The following SLCO1B1 variants were observed in gnomAD, a reference collection of about 807,000 sequenced individuals.
SLCO1B1 encodes the protein OATP-2.
Under a neutral mutation model 70.1 loss-of-function variants are expected in SLCO1B1, and 81 were observed. The ratio of observed to expected loss-of-function variants is 1.16; its 90% CI spans 0.97 to 1.39. SLCO1B1 has a LOEUF of 1.39. Ranked by LOEUF, SLCO1B1 falls within the 40% of genes most tolerant of loss-of-function variation. The pLI, the probability that SLCO1B1 is intolerant of heterozygous loss-of-function variation, is 0.00. For missense variants in SLCO1B1, 895 were observed against 799.6 expected (o/e 1.12, Z -1.44); for synonymous variants, 283 against 271.5 (o/e 1.04, Z -0.42).
chr12:21,203,592 A>C (rs569706112), intron 10 of SLCO1B1, among the ~76,000 whole-genome samples: 3 of 152,042 alleles, frequency 2.0e-5, no homozygotes, highest in Non-Finnish European at 4.4e-5. Flanking sequence ...ATTTTCTTCT[A>C]TAAACATTGT....
intron 7 of SLCO1B1, among the ~76,000 whole-genome samples, chr12:21,190,745 C>T (rs914202904): frequency 1.1e-4 from 16 of 152,122 alleles, no homozygotes; most frequent in Non-Finnish European, 2.1e-4. Context: ...GGCTTAGCTC[C>T]CAATGATAAG....
chr12:21,227,302 C>A (rs4149082), intron 14 of SLCO1B1, among the ~76,000 whole-genome samples: 5 of 151,644 alleles, frequency 3.3e-5, no homozygotes, highest in Non-Finnish European at 5.9e-5. Flanking sequence ...TAATATGGAA[C>A]CTTCTTCAAG....
rs7971855 is a variant in SLCO1B1, at chr12:21,150,406, C to T, written c.84+8748C>T. ...CCCGTGCCTCCTGACTGGGAGACAC[C>T]TCACAGCAGGGTTCAACAGACACCT... is the stretch of plus-strand genomic sequence containing the variant. On this transcript the variant is annotated intron_variant, in intron 2 of 14. Transcript: ENST00000256958. 7.6e-3 allele frequency among the ~76,000 whole-genome samples: 1,162 copies of T among 152,252 alleles called. 11 individuals are homozygous for T. The highest frequency in any genetic ancestry group is 0.026 in the African/African-American group (1,080 of 41,536).
At chr12:21,193,952 G>A (rs540648086) in intron 7 of SLCO1B1, among the ~76,000 whole-genome samples, 4 of 152,148 alleles carry the variant, frequency 2.6e-5, no homozygotes, top group African/African-American at 7.2e-5. Context: ...CACGATGCCT[G>A]GCTAATTTTT....
At chr12:21,230,217 C>G (rs756037645) in intron 14 of SLCO1B1, among the ~76,000 whole-genome samples, 1 of 151,960 alleles carries the variant, frequency 6.6e-6, no homozygotes, top group Non-Finnish European at 1.5e-5. Context: ...GAGGGAAATC[C>G]CACTTAGTCA....
chr12:21,163,471 G>A (rs947054501), intron 2 of SLCO1B1, among the ~76,000 whole-genome samples: 1 of 152,064 alleles, frequency 6.6e-6, no homozygotes, highest in South Asian at 2.1e-4. Flanking sequence ...GTTTTACAAA[G>A]TAATTAACTT....
chr12:21,215,093 G>T (rs1287254182), intron 11 of SLCO1B1, among the ~76,000 whole-genome samples: 1 of 151,720 alleles, frequency 6.6e-6, no homozygotes, highest in African/African-American at 2.4e-5. Flanking sequence ...CCTCCAACCA[G>T]GGTTTTTGAG....
At chr12:21,167,666 GAAC>G (rs1368658200) in intron 2 of SLCO1B1, among the ~76,000 whole-genome samples, 1 of 152,016 alleles carries the variant, frequency 6.6e-6, no homozygotes, top group Non-Finnish European at 1.5e-5. Flanking sequence ...TCACATTGAT[GAAC>G]AACAGATCTC....
At chr12:21,238,767 G>T (rs1459115278) in intron 14 of SLCO1B1, among the ~76,000 whole-genome samples, 1 of 151,884 alleles carries the variant, frequency 6.6e-6, no homozygotes, top group African/African-American at 2.4e-5. Flanking sequence ...GAAGGCCAGA[G>T]GCAACTAGAG....
Position 21,141,533 on chromosome 12 carries a change from C to A in SLCO1B1, c.-42C>A. Reference sequence around the variant, plus strand: ...TAATAGGTGATTGTTTCAAACTGAGCATCAACAACAAAAACATTTGTATGA... The same window carrying A: ...TAATAGGTGATTGTTTCAAACTGAGAATCAACAACAAAAACATTTGTATGA... On this transcript the variant is annotated 5_prime_UTR_variant, in exon 2 of 15. Transcript: ENST00000256958. 8.5e-7 allele frequency: 1 copy of A among 1,178,674 alleles called. No homozygotes were observed. The highest frequency in any genetic ancestry group is 1.3e-6 in the Non-Finnish European group (1 of 786,770). 73.0% of individuals were successfully genotyped at this position (1,178,674 alleles called of 1,614,324 possible). A position where few individuals can be genotyped will look rare whatever the true frequency, so the allele number is the denominator to read the frequency against.
chr12:21,189,210 C>T (rs568758392), intron 7 of SLCO1B1, among the ~76,000 whole-genome samples: 21 of 152,244 alleles, frequency 1.4e-4, no homozygotes, highest in African/African-American at 5.1e-4. Context: ...ACTGGCTGTA[C>T]CTTTTTGTAT....
At chr12:21,177,845 T>A (rs1159664134) in intron 5 of SLCO1B1, among the ~76,000 whole-genome samples, 1 of 152,156 alleles carries the variant, frequency 6.6e-6, no homozygotes, top group Non-Finnish European at 1.5e-5. Flanking sequence ...CATTAAAGTT[T>A]TGATATTAAA....
intron 5 of SLCO1B1, among the ~76,000 whole-genome samples, chr12:21,178,098 T>G (rs369889408): frequency 6.6e-6 from 1 of 152,150 alleles, no homozygotes; most frequent in Non-Finnish European, 1.5e-5. Flanking sequence ...CCCACTCAAA[T>G]ATCACCTTGA....
Position 21,239,127 on chromosome 12 carries a change from T to A in SLCO1B1, c.2014T>A (p.Ser672Thr). 1.2e-6 allele frequency: 2 copies of A among 1,613,082 alleles called. No individual in the cohort carries two copies. Among genetic ancestry groups the A allele is most frequent in the Non-Finnish European group, 1.7e-6 (2 of 1,179,360 alleles). ...TGTCATGGATGAAGCAAACTTAGAATCCTTAAATAAAAATAAACATTTTGT... is the reference window on the plus strand; with the variant it reads ...TGTCATGGATGAAGCAAACTTAGAAACCTTAAATAAAAATAAACATTTTGT... The part of the protein sequence containing the change: ...GSVMDEANLE[S>T]LNKNKHFVPS... The change falls in exon 15 of 15, where the codon TCC (serine) becomes ACC (threonine). Residue 672 changes from serine to threonine, a missense_variant. Transcript: ENST00000256958.
chr12:21,146,903 T>C (rs1428313455), intron 2 of SLCO1B1, among the ~76,000 whole-genome samples: 2 of 152,284 alleles, frequency 1.3e-5, no homozygotes, highest in East Asian at 3.9e-4. Context: ...CTGTTGTTGT[T>C]GGATGAAATA....
intron 13 of SLCO1B1, 45 bp downstream of exon 13, chr12:21,222,409 TATATATATATATATATATAC>T: frequency 6.7e-6 from 1 of 148,884 alleles, no homozygotes; most frequent in Middle Eastern, 2.7e-3. Flanking sequence ...TATATATATA[TATATATATATATATATATAC>T]ACACACACAT....
rs4149054 is a variant in SLCO1B1, at chr12:21,178,245, G to A, written c.482-331G>A. Among the ~76,000 whole-genome samples the A allele has an allele frequency of 0.32, 48,366 of 151,866 alleles. 8,667 individuals are homozygous for A. Among genetic ancestry groups the A allele is most frequent in the East Asian group, 0.49 (2,529 of 5,130 alleles). On this transcript the variant is annotated intron_variant, in intron 5 of 14. Coordinates refer to ENST00000256958, the MANE Select transcript of SLCO1B1 (RefSeq NM_006446.5). ...TGATTTTATAAATGAGAGTTCCCCTGCAAAAGCTCTCTTGCCTGCCACCAT... is the reference window on the plus strand; with the variant it reads ...TGATTTTATAAATGAGAGTTCCCCTACAAAAGCTCTCTTGCCTGCCACCAT...
intron 7 of SLCO1B1, among the ~76,000 whole-genome samples, chr12:21,192,578 T>C (rs1285167833): frequency 6.6e-6 from 1 of 151,956 alleles, no homozygotes; most frequent in Non-Finnish European, 1.5e-5. Context: ...TTTTCCATAT[T>C]CTTTATTGTA....
chr12:21,212,104 A>C (rs922547036), intron 11 of SLCO1B1, among the ~76,000 whole-genome samples: 1 of 141,210 alleles, frequency 7.1e-6, no homozygotes, highest in Non-Finnish European at 1.5e-5. Flanking sequence ...GCCTTCTGCT[A>C]GCTTTTGAAT....
Sources: allele counts gnomAD v4.1 joint callset (sites outside exome capture counted in the v4.1 genomes callset), GRCh38; gene constraint gnomAD v4.1.1; transcripts MANE v1.5; gene names NCBI Gene and HGNC (gene_info 2026-07-23, HGNC 2026-07-21).